The following RBFOX2 variants were observed in gnomAD, a reference collection of about 807,000 sequenced individuals.
RBFOX2 encodes the protein RNA binding protein fox-1 homolog 2.
Under a neutral mutation model 49.1 loss-of-function variants are expected in RBFOX2, and 10 were observed. That is an observed-to-expected ratio of 0.20 (90% confidence interval 0.13 to 0.35). The LOEUF is 0.35. RBFOX2 is among the 10% of genes least tolerant of loss of function. RBFOX2 has a pLI of 1.00. For missense variants in RBFOX2, 323 were observed against 486.9 expected, an observed-to-expected ratio of 0.66 and a Z score of 3.17; for synonymous variants, 183 against 187.4, an observed-to-expected ratio of 0.98 and a Z score of 0.19.
intron 1 of RBFOX2, among the ~76,000 whole-genome samples, chr22:35,900,620 T>C (rs764318326): frequency 1.7e-4 from 25 of 145,058 alleles, no homozygotes; most frequent in East Asian, 1.0e-3. Flanking sequence ...GTCGAAAGAA[T>C]GAGGCTCTTT....
intron 1 of RBFOX2, among the ~76,000 whole-genome samples, chr22:35,822,424 C>T (rs1392727437): frequency 1.3e-5 from 2 of 151,966 alleles, no homozygotes; most frequent in African/African-American, 4.8e-5. Flanking sequence ...ATCTTTTGCC[C>T]CTAGGTTCAG....
At position 35,759,452 on chromosome 22, in the gene RBFOX2, G is replaced by C. The variant is rs149209218; in HGVS notation, c.887+436C>G. Among the ~76,000 whole-genome samples the C allele has an allele frequency of 2.6e-3, 393 of 152,256 alleles. 4 individuals are homozygous for C. Among genetic ancestry groups the C allele is most frequent in the African/African-American group, 9.2e-3 (383 of 41,540 alleles). ...CCCAGGCAGTGAAACCAAAGGGGAG[G>C]ACACATGTGACAGCCTCTGCCCCAA... is the stretch of plus-strand genomic sequence containing the variant. On this transcript the variant is annotated intron_variant, in intron 9 of 11. Transcript: ENST00000405409. This position sits in a 1 kb window ranked among gnomAD's most constrained non-coding sequence, Gnocchi z 4.6.
intron 6 of RBFOX2, among the ~76,000 whole-genome samples, chr22:35,762,467 T>C (rs919579596): frequency 3.3e-5 from 5 of 151,246 alleles, no homozygotes; most frequent in Admixed American, 1.3e-4. Context: ...TCTATAAATA[T>C]ACGAATGAAA....
intron 1 of RBFOX2, among the ~76,000 whole-genome samples, chr22:35,831,335 A>G (rs1956762006): frequency 6.6e-6 from 1 of 152,164 alleles, no homozygotes; most frequent in Non-Finnish European, 1.5e-5. Context: ...TGGGAGGCTG[A>G]GGCAGGAGAA....
chr22:35,923,292 G>A (rs1603449086), intron 1 of RBFOX2, among the ~76,000 whole-genome samples: 1 of 152,278 alleles, frequency 6.6e-6, no homozygotes, highest in Admixed American at 6.5e-5. Flanking sequence ...CTTCCAGTCA[G>A]CAGAGCCTTA....
intron 1 of RBFOX2, among the ~76,000 whole-genome samples, chr22:36,001,790 G>A (rs1458084856): frequency 2.6e-5 from 4 of 151,812 alleles, no homozygotes; most frequent in African/African-American, 7.3e-5. Context: ...CGGGCCAGAC[G>A]TGGTGGCTCA....
At chr22:35,781,782 A>G in intron 2 of RBFOX2, 36 bp from the exon 4 acceptor site, 2 of 1,612,756 alleles carry the variant, frequency 1.2e-6, no homozygotes, top group Non-Finnish European at 1.7e-6. Context: ...AATATACACA[A>G]TTACTTTAAA....
Position 36,020,895 on chromosome 22 carries a change from G to C in RBFOX2, c.186+7345C>G, listed in dbSNP as rs183457054. On this transcript the variant is annotated intron_variant, in intron 1 of 13. Coordinates refer to the RBFOX2 transcript ENST00000438146. ...ATTTGACGCAGCCATCCCATTACTG[G>C]GTATATATCCAAAGGATTATAAATC... Among the ~76,000 whole-genome samples the C allele has an allele frequency of 2.1e-3, 325 of 152,118 alleles. 1 individual carries two copies. The highest frequency in any genetic ancestry group is 0.02 in the Middle Eastern group (6 of 294).
intron 1 of RBFOX2, among the ~76,000 whole-genome samples, chr22:35,920,217 A>G (rs1316610596): frequency 1.3e-5 from 2 of 152,360 alleles, no homozygotes; most frequent in East Asian, 1.9e-4. Context: ...GCATGTGGTT[A>G]TTATAAAAAT....
At chr22:35,908,709 A>T (rs771711439) in intron 1 of RBFOX2, among the ~76,000 whole-genome samples, 1 of 152,176 alleles carries the variant, frequency 6.6e-6, no homozygotes, top group African/African-American at 2.4e-5. Context: ...AATTACCACC[A>T]CAATAGCCAA....
chr22:35,947,151 C>T (rs1400656154), intron 1 of RBFOX2, among the ~76,000 whole-genome samples: 2 of 151,980 alleles, frequency 1.3e-5, no homozygotes, highest in East Asian at 3.9e-4. Context: ...GAGATCGTGC[C>T]ACTGCACTCC....
At chr22:35,840,143 A>C (rs1159609579) in intron 1 of RBFOX2, 12 of 1,597,690 alleles carry the variant, frequency 7.5e-6, no homozygotes, top group Non-Finnish European at 7.7e-6. Flanking sequence ...ACCTTTATTT[A>C]GATCCCAGAG....
intron 1 of RBFOX2, among the ~76,000 whole-genome samples, chr22:35,839,247 C>T (rs867074531): frequency 1.3e-5 from 2 of 152,160 alleles, no homozygotes; most frequent in East Asian, 1.9e-4. Flanking sequence ...GGTAATGGAG[C>T]GTACAGAAGG....
intron 4 of RBFOX2, 22 bp downstream of exon 5, chr22:35,778,003 T>A: frequency 6.3e-7 from 1 of 1,593,114 alleles, no homozygotes; most frequent in Non-Finnish European, 8.6e-7. Flanking sequence ...TCAAGCACAC[T>A]TGACACTGAA....
intron 1 of RBFOX2, among the ~76,000 whole-genome samples, chr22:35,967,960 A>G (rs2056658929): frequency 6.6e-6 from 1 of 152,230 alleles, no homozygotes; most frequent in Admixed American, 6.5e-5. Context: ...CATTCTAGCT[A>G]GAGAACAGTG....
intron 1 of RBFOX2, among the ~76,000 whole-genome samples, chr22:35,905,011 G>A (rs2048975866): frequency 6.6e-6 from 1 of 152,128 alleles, no homozygotes; most frequent in African/African-American, 2.4e-5. Context: ...GTAATAACCA[G>A]GAAGCAAAAA....
intron 1 of RBFOX2, among the ~76,000 whole-genome samples, chr22:35,846,267 TAA>T (rs1248535957): frequency 4.0e-5 from 6 of 149,572 alleles, no homozygotes; most frequent in South Asian, 2.1e-4. Flanking sequence ...ATAAACTATA[TAA>T]GTTAATATAA....
intron 4 of RBFOX2, among the ~76,000 whole-genome samples, chr22:35,776,736 TCTAAC>T (rs1472093525): frequency 6.6e-6 from 1 of 152,200 alleles, no homozygotes; most frequent in Non-Finnish European, 1.5e-5. Flanking sequence ...AAAAAATTGC[TCTAAC>T]CTAACAAATG....
intron 1 of RBFOX2, among the ~76,000 whole-genome samples, chr22:35,935,572 G>C (rs2052964481): frequency 6.6e-6 from 1 of 152,132 alleles, no homozygotes; most frequent in African/African-American, 2.4e-5. Context: ...TGGTACACTT[G>C]GTGCTAACAA....
Sources: gnomAD v4.1 joint callset for allele counts (sites outside exome capture counted in the v4.1 genomes callset) on GRCh38, gnomAD v4.1.1 for gene constraint, Gnocchi (gnomAD v3.1) non-coding constraint, MANE v1.5 for transcripts, NCBI Gene and HGNC (gene_info 2026-07-23, HGNC 2026-07-21) for gene names.